The following RBFOX1 variants were observed in gnomAD, a reference collection of about 807,000 sequenced individuals.
RBFOX1 encodes the protein RNA binding protein fox-1 homolog 1.
In RBFOX1, 8 loss-of-function variants were observed where a neutral mutation model predicts 57.7. That is an observed-to-expected ratio of 0.14 (90% CI 0.08 to 0.25). The LOEUF is 0.25. Ranked by LOEUF, RBFOX1 falls within the 10% of genes least tolerant of loss-of-function variation. RBFOX1 has a pLI of 1.00. For missense variants in RBFOX1, 611 were observed against 548.5 expected, an observed-to-expected ratio of 1.11 and a Z score of -1.14; for synonymous variants, 326 against 222.4, an observed-to-expected ratio of 1.47 and a Z score of -4.15.
intron 14 of RBFOX1, among the ~76,000 whole-genome samples, chr16:7,701,735 T>C (rs1490686890): frequency 6.6e-6 from 1 of 152,196 alleles, no homozygotes; most frequent in Non-Finnish European, 1.5e-5. Flanking sequence ...AGGAGAAGGC[T>C]ATAGTAACCA....
At chr16:6,074,163 T>A (rs1002376805) in intron 1 of RBFOX1, among the ~76,000 whole-genome samples, 1 of 152,108 alleles carries the variant, frequency 6.6e-6, no homozygotes, top group Non-Finnish European at 1.5e-5. Flanking sequence ...TTAGCCATCA[T>A]GGTCTTGACC....
At chr16:6,120,321 G>C (rs1436600279) in intron 1 of RBFOX1, among the ~76,000 whole-genome samples, 4 of 152,210 alleles carry the variant, frequency 2.6e-5, no homozygotes, top group Non-Finnish European at 5.9e-5. Context: ...TCATGCAGTA[G>C]CTCTATGTTC....
chr16:6,049,030 C>A lies in RBFOX1; in HGVS notation c.-127+29038C>A, dbSNP rs187780365. Among the ~76,000 whole-genome samples the A allele has an allele frequency of 2.3e-3, 335 of 146,864 alleles. 1 individual carries two copies. The highest frequency in any genetic ancestry group is 0.014 in the Middle Eastern group (4 of 282). The stretch of plus-strand genomic sequence containing the variant: ...ATCATCCTTGTGCCATTTTGACGAT[C>A]GACCCCTTACATCTTCTAACAGCTT... On this transcript the variant is annotated intron_variant, in intron 1 of 15. Coordinates refer to ENST00000550418, the MANE Select transcript of RBFOX1 (RefSeq NM_018723.4).
chr16:5,348,436 C>A (rs1458490219), intron 1 of RBFOX1, among the ~76,000 whole-genome samples: 1 of 152,134 alleles, frequency 6.6e-6, no homozygotes, highest in African/African-American at 2.4e-5. Context: ...TTTTAAGAGT[C>A]ATATGAAGTA....
chr16:7,547,963 A>G (rs17144091), intron 5 of RBFOX1, among the ~76,000 whole-genome samples: 5,651 of 152,208 alleles, frequency 0.037, 313 homozygotes, highest in African/African-American at 0.13. Context: ...TTAAGGATAG[A>G]CTTTAGTAGG....
intron 2 of RBFOX1, among the ~76,000 whole-genome samples, chr16:6,454,915 G>A (rs377332588): frequency 2.3e-5 from 3 of 129,740 alleles, no homozygotes; most frequent in Non-Finnish European, 3.1e-5. Flanking sequence ...TTGGCGTCTC[G>A]CCCTGTCACC....
At chr16:6,206,282 T>A (rs1044700859) in intron 1 of RBFOX1, among the ~76,000 whole-genome samples, 2 of 152,100 alleles carry the variant, frequency 1.3e-5, no homozygotes, top group Non-Finnish European at 1.5e-5. Context: ...TCCTGTTACC[T>A]GGGCCGCTCT....
Position 6,743,850 on chromosome 16 carries a change from T to A in RBFOX1, c.-16+89200T>A, listed in dbSNP as rs542872591. ...TATTTAAAAAATCATGTTCATTTAT[T>A]TCTGATTATTTGTAACACATTTTCC... On this transcript the variant is annotated intron_variant, in intron 3 of 15. Coordinates refer to ENST00000550418, the MANE Select transcript of RBFOX1 (RefSeq NM_018723.4). Among the ~76,000 whole-genome samples, 535 of 150,068 alleles carry A rather than the reference T, an allele frequency of 3.6e-3. 17 individuals carry two copies. The highest frequency in any genetic ancestry group is 0.013 in the African/African-American group (526 of 40,394).
At chr16:7,350,464 G>C (rs1474082757) in intron 4 of RBFOX1, among the ~76,000 whole-genome samples, 1 of 152,178 alleles carries the variant, frequency 6.6e-6, no homozygotes, top group African/African-American at 2.4e-5. Context: ...AGGCAGTTTA[G>C]ATTTTGATCT....
In RBFOX1 at chr16:6,098,179, T is replaced by C. The variant is rs558075283; in HGVS notation, c.-127+78187T>C. On this transcript the variant is annotated intron_variant, in intron 1 of 15. Coordinates refer to ENST00000550418, the MANE Select transcript of RBFOX1 (RefSeq NM_018723.4). ...ACACACTTTGCAAACTTTACCTCAT[T>C]AATCTTCCCCACCCTGGGAGGGCCT... is the stretch of plus-strand genomic sequence containing the variant. Among the ~76,000 whole-genome samples the C allele has an allele frequency of 7.2e-5, 11 of 152,336 alleles. No homozygotes were observed. In the South Asian group the frequency reaches 2.1e-3, roughly 29 times the overall value.
At chr16:7,288,968 A>G (rs1031325935) in intron 4 of RBFOX1, among the ~76,000 whole-genome samples, 1 of 152,212 alleles carries the variant, frequency 6.6e-6, no homozygotes, top group Non-Finnish European at 1.5e-5. Flanking sequence ...GGAGAAAAGA[A>G]AGTGACAGCC....
chr16:6,664,587 C>A (rs533321034), intron 3 of RBFOX1, among the ~76,000 whole-genome samples: 2 of 152,258 alleles, frequency 1.3e-5, no homozygotes, highest in South Asian at 2.1e-4. Flanking sequence ...GAGACAGCTG[C>A]GCATGTAGCC....
chr16:6,764,261 C>A (rs2077022120), intron 3 of RBFOX1, among the ~76,000 whole-genome samples: 1 of 152,166 alleles, frequency 6.6e-6, no homozygotes, highest in African/African-American at 2.4e-5. Flanking sequence ...CTTGAAAGCA[C>A]TGAAGTTCAC....
intron 1 of RBFOX1, among the ~76,000 whole-genome samples, chr16:5,286,761 A>AC (rs1268564448): frequency 6.6e-6 from 1 of 152,202 alleles, no homozygotes; most frequent in Admixed American, 6.5e-5. Flanking sequence ...GGTCTAGATA[A>AC]CCTCTGTTGC....
At chr16:6,775,287 G>T (rs1391493940) in intron 3 of RBFOX1, among the ~76,000 whole-genome samples, 1 of 134,646 alleles carries the variant, frequency 7.4e-6, no homozygotes, top group Non-Finnish European at 1.5e-5. Context: ...CTGAGATCGC[G>T]CCACCGCACT....
At chr16:7,567,166 TATATATATCC>T (rs2091912728) in intron 5 of RBFOX1, among the ~76,000 whole-genome samples, 1 of 145,896 alleles carries the variant, frequency 6.9e-6, no homozygotes, top group Non-Finnish European at 1.5e-5. Context: ...TATATATCCA[TATATATATCC>T]CTATATAAAT....
chr16:6,257,665 C>T (rs1227310138), intron 1 of RBFOX1, among the ~76,000 whole-genome samples: 1 of 152,096 alleles, frequency 6.6e-6, no homozygotes, highest in Non-Finnish European at 1.5e-5. Context: ...ATAAGTGAGA[C>T]CATGCGGTAT....
intron 4 of RBFOX1, among the ~76,000 whole-genome samples, chr16:7,069,708 G>A (rs1375075508): frequency 6.6e-6 from 1 of 152,080 alleles, no homozygotes; most frequent in African/African-American, 2.4e-5. Context: ...TAGAGTAAGT[G>A]GGGCAGCATC....
intron 1 of RBFOX1, among the ~76,000 whole-genome samples, chr16:6,224,151 G>A (rs968293124): frequency 6.6e-6 from 1 of 151,690 alleles, no homozygotes; most frequent in Non-Finnish European, 1.5e-5. Context: ...CTCCAGCTTT[G>A]TTCTTTTGGC....
Sources: gnomAD v4.1 joint callset for allele counts (sites outside exome capture counted in the v4.1 genomes callset) on GRCh38, gnomAD v4.1.1 for gene constraint, MANE v1.5 for transcripts, NCBI Gene and HGNC (gene_info 2026-07-23, HGNC 2026-07-21) for gene names.